CNTN6: variants seen among roughly 807,000 people sequenced by gnomAD.
The protein encoded by CNTN6 is contactin-6.
A neutral mutation model predicts 122.8 loss-of-function variants in CNTN6; 137 were observed. The observed-to-expected ratio is 1.12, with a 90% CI of 0.97 to 1.29. The LOEUF (loss-of-function observed/expected upper bound fraction) is 1.29. Among genes scored for constraint, CNTN6 ranks in the 50% most tolerant of loss-of-function variants. CNTN6 has a pLI of 0.00. For missense variants in CNTN6, 1,634 were observed against 1,223.4 expected, an observed-to-expected ratio of 1.34 and a Z score of -5.01; for synonymous variants, 570 against 426.0, an observed-to-expected ratio of 1.34 and a Z score of -4.16.
chr3:1,175,918 C>G (rs565526407), intron 2 of CNTN6, among the ~76,000 whole-genome samples: 3 of 152,268 alleles, frequency 2.0e-5, no homozygotes, highest in African/African-American at 7.2e-5. Flanking sequence ...AAGGAGGACT[C>G]TTAGGTGTCT....
At chr3:1,135,704 T>C (rs2092454195) in intron 1 of CNTN6, among the ~76,000 whole-genome samples, 1 of 152,070 alleles carries the variant, frequency 6.6e-6, no homozygotes. Context: ...TAAAAAGAAG[T>C]TATGAGGCCA....
rs535985846 is a variant in CNTN6 at position 1,387,730 on chromosome 3, C to T, written c.2704+1933C>T. On this transcript the variant is annotated intron_variant, in intron 20 of 22. Transcript: ENST00000446702. ...GCACCGTGCGCAAGCCGAAGCAGGG[C>T]GAGGCATTGCCTCACTTGGGAAGCG... Among the ~76,000 whole-genome samples the T allele has an allele frequency of 1.8e-4, 27 of 152,296 alleles. No individual in the cohort carries two copies. In the South Asian group the frequency reaches 3.9e-3, roughly 22 times the overall value.
chr3:1,399,215 AAAAG>A (rs1442692717), intron 20 of CNTN6, among the ~76,000 whole-genome samples: 4 of 152,126 alleles, frequency 2.6e-5, no homozygotes, highest in African/African-American at 9.7e-5. Context: ...AACAGAGATA[AAAAG>A]AAAGGTATCA....
At chr3:1,327,961 C>T (rs1428491924) in intron 10 of CNTN6, among the ~76,000 whole-genome samples, 1 of 151,836 alleles carries the variant, frequency 6.6e-6, no homozygotes, top group Non-Finnish European at 1.5e-5. Flanking sequence ...TATTTTATCT[C>T]TTAGCAAGAG....
chr3:1,137,679 C>T (rs2092513359), intron 1 of CNTN6, among the ~76,000 whole-genome samples: 1 of 152,134 alleles, frequency 6.6e-6, no homozygotes, highest in South Asian at 2.1e-4. Flanking sequence ...CTCTTATGAA[C>T]CTCATGAGGT....
At position 1,297,381 on chromosome 3, in the gene CNTN6, C is replaced by G. The variant is rs192119186; in HGVS notation, c.659-508C>G. 2.2e-3 allele frequency among the ~76,000 whole-genome samples: 339 copies of G among 152,172 alleles called. 2 individuals are homozygous for G. The highest frequency in any genetic ancestry group is 7.8e-3 in the African/African-American group (323 of 41,550). ...GGCAGTGTATTTACAATAGGTTATACCATCATCTTATCTTGGCACATATCC... is the reference window on the plus strand; with the variant it reads ...GGCAGTGTATTTACAATAGGTTATAGCATCATCTTATCTTGGCACATATCC... On this transcript the variant is annotated intron_variant, in intron 6 of 22. Coordinates refer to ENST00000446702, the MANE Select transcript of CNTN6 (RefSeq NM_001289080.2).
At chr3:1,159,967 T>C (rs2093085840) in intron 2 of CNTN6, among the ~76,000 whole-genome samples, 1 of 151,908 alleles carries the variant, frequency 6.6e-6, no homozygotes, top group Admixed American at 6.6e-5. Flanking sequence ...ATTACAGGCA[T>C]GCGCCACCAC....
intron 4 of CNTN6, among the ~76,000 whole-genome samples, chr3:1,261,485 C>A (rs1365917642): frequency 6.6e-6 from 1 of 151,982 alleles, no homozygotes; most frequent in Non-Finnish European, 1.5e-5. Flanking sequence ...CCTTCTGTAC[C>A]TCATTGGTTA....
chr3:1,336,654 T>G (rs1036604375), intron 11 of CNTN6, among the ~76,000 whole-genome samples: 1 of 152,164 alleles, frequency 6.6e-6, no homozygotes, highest in Non-Finnish European at 1.5e-5. Flanking sequence ...AAAACCTGTG[T>G]GGCCCTGGAC....
chr3:1,365,625 T>G (rs537042748), intron 12 of CNTN6, among the ~76,000 whole-genome samples: 2 of 152,028 alleles, frequency 1.3e-5, no homozygotes, highest in African/African-American at 4.8e-5. Context: ...TATTCCATAC[T>G]CTACCAAATG....
At chr3:1,374,100 G>C in intron 16 of CNTN6, 27 bp downstream of exon 16, 1 of 1,598,538 alleles carries the variant, frequency 6.3e-7, no homozygotes, top group South Asian at 1.1e-5. Context: ...TTCTAAAAGT[G>C]TGGAAGATTT....
At chr3:1,234,851 T>C (rs1281725191) in intron 4 of CNTN6, among the ~76,000 whole-genome samples, 3 of 152,214 alleles carry the variant, frequency 2.0e-5, no homozygotes, top group African/African-American at 7.2e-5. Flanking sequence ...TTTGTCTTAA[T>C]GAAATAACAG....
At chr3:1,395,973 T>A (rs759736668) in intron 20 of CNTN6, among the ~76,000 whole-genome samples, 20 of 152,112 alleles carry the variant, frequency 1.3e-4, no homozygotes, top group Non-Finnish European at 2.6e-4. Context: ...TTTATCACCT[T>A]CCTCCCTAAC....
At chr3:1,394,024 C>A in intron 20 of CNTN6, 1 of 155,778 alleles carries the variant, frequency 6.4e-6, no homozygotes, top group South Asian at 1.9e-4. Flanking sequence ...TCTGATTGCC[C>A]AGATAGGGCA....
chr3:1,393,508 G>GTAAC (rs1247158440), intron 20 of CNTN6, among the ~76,000 whole-genome samples: 1 of 143,326 alleles, frequency 7.0e-6, no homozygotes, highest in African/African-American at 2.6e-5. Flanking sequence ...GTATACATAT[G>GTAAC]TAACTAACCT....
At chr3:1,302,552 T>C (rs1697604940) in intron 7 of CNTN6, among the ~76,000 whole-genome samples, 1 of 152,056 alleles carries the variant, frequency 6.6e-6, no homozygotes, top group Non-Finnish European at 1.5e-5. Flanking sequence ...AATGAAAATA[T>C]AGAAAGACCA....
intron 1 of CNTN6, among the ~76,000 whole-genome samples, chr3:1,094,074 T>A (rs775460710): frequency 1.8e-4 from 27 of 152,212 alleles, no homozygotes; most frequent in Non-Finnish European, 3.4e-4. Flanking sequence ...TATTCATAAT[T>A]TTATCTACAG....
In CNTN6 at chr3:1,403,646, T is replaced by C. The variant is rs1032727405; in HGVS notation, c.*228T>C. The C allele has an allele frequency of 5.0e-5, 16 of 321,958 alleles. No individual in the cohort carries two copies. In the South Asian group the frequency reaches 1.0e-3, roughly 21 times the overall value. The allele number at this position is 321,958 out of a possible 1,614,324, so 19.9% of individuals were successfully genotyped here. ...ATTACATGAATTCCTAGGTGCCACATTAACCTGGGGAGTTGTAACTGCTGT... is the reference window on the plus strand; with the variant it reads ...ATTACATGAATTCCTAGGTGCCACACTAACCTGGGGAGTTGTAACTGCTGT... On this transcript the variant is annotated 3_prime_UTR_variant, in exon 23 of 23. Coordinates refer to ENST00000446702, the MANE Select transcript of CNTN6 (RefSeq NM_001289080.2).
intron 4 of CNTN6, among the ~76,000 whole-genome samples, chr3:1,251,006 A>C (rs2094658033): frequency 6.6e-6 from 1 of 152,138 alleles, no homozygotes; most frequent in Non-Finnish European, 1.5e-5. Flanking sequence ...TCTTTGTTGC[A>C]ATCATATTCT....
Sources: gnomAD v4.1 joint callset for allele counts (sites outside exome capture counted in the v4.1 genomes callset) on GRCh38, gnomAD v4.1.1 for gene constraint, MANE v1.5 for transcripts, NCBI Gene and HGNC (gene_info 2026-07-23, HGNC 2026-07-21) for gene names.